GLI3: variants seen among roughly 807,000 people sequenced by gnomAD.
GLI3 encodes GLI family zinc finger 3, also known as transcription activator GLI3.
GLI3 carries 20 observed loss-of-function variants against 100.8 expected under a neutral mutation model. The observed-to-expected ratio is 0.20, with a 90% CI of 0.14 to 0.29. The LOEUF (loss-of-function observed/expected upper bound fraction) is 0.29. Ranked by LOEUF, GLI3 falls within the 10% of genes least tolerant of loss-of-function variation. GLI3 has a pLI of 1.00. For synonymous variants in GLI3, 938 were observed against 860.5 expected (o/e 1.09, Z -1.58); for missense variants, 2,040 against 2,128.5 (o/e 0.96, Z 0.82).
chr7:42,117,268 C>A (rs1785882752), intron 3 of GLI3, among the ~76,000 whole-genome samples: 1 of 152,156 alleles, frequency 6.6e-6, no homozygotes, highest in South Asian at 2.1e-4. Flanking sequence ...AGCAAAAAGG[C>A]CAGGGCTCTG....
At chr7:42,066,729 C>T (rs1462196802) in intron 4 of GLI3, among the ~76,000 whole-genome samples, 2 of 152,218 alleles carry the variant, frequency 1.3e-5, no homozygotes, top group African/African-American at 2.4e-5. Context: ...CTGAAGAAGG[C>T]TGCACCTCTG....
At chr7:42,004,989 G>A (rs2128723143) in intron 10 of GLI3, among the ~76,000 whole-genome samples, 1 of 152,222 alleles carries the variant, frequency 6.6e-6, no homozygotes, top group Middle Eastern at 3.4e-3. Flanking sequence ...TATTATTTCT[G>A]ATGGCAAAAA....
chr7:41,997,520 T>C (rs919150506), intron 10 of GLI3, among the ~76,000 whole-genome samples: 2 of 152,150 alleles, frequency 1.3e-5, no homozygotes, highest in African/African-American at 2.4e-5. Flanking sequence ...GGTCATATGA[T>C]TAGATGAGCA....
intron 3 of GLI3, chr7:42,118,165 T>C (rs1785907191): frequency 2.5e-6 from 1 of 393,312 alleles, no homozygotes; most frequent in South Asian, 1.4e-4. Context: ...CTTAATCATC[T>C]TAATGAAATA....
chr7:41,974,545 G>A (rs190121195), intron 12 of GLI3, among the ~76,000 whole-genome samples: 15 of 152,214 alleles, frequency 9.9e-5, no homozygotes, highest in African/African-American at 3.6e-4. Flanking sequence ...TAATCATAAG[G>A]AATACAAAAT....
chr7:42,262,606 G>T (rs551738975), intron 1 of GLI3, among the ~76,000 whole-genome samples: 1 of 152,064 alleles, frequency 6.6e-6, no homozygotes, highest in South Asian at 2.1e-4. Flanking sequence ...GAATTTCTGG[G>T]GCAGACTCTC....
At chr7:42,035,289 C>T (rs183811441) in intron 7 of GLI3, among the ~76,000 whole-genome samples, 97 of 152,280 alleles carry the variant, frequency 6.4e-4, no homozygotes, top group Middle Eastern at 3.4e-3. Flanking sequence ...CTATGGAGGC[C>T]GAGCTGACTT....
intron 10 of GLI3, among the ~76,000 whole-genome samples, chr7:41,992,906 A>T (rs1190724645): frequency 6.6e-6 from 1 of 152,204 alleles, no homozygotes; most frequent in Non-Finnish European, 1.5e-5. Flanking sequence ...AAACTGGTTC[A>T]TTTGAAATTA....
At position 42,259,780 on chromosome 7, in the gene GLI3, T is replaced by A. The variant is rs955299220; in HGVS notation, c.-43+4214A>T. Among the ~76,000 whole-genome samples the A allele has an allele frequency of 3.3e-5, 5 of 152,198 alleles. No individual in the cohort carries two copies. In the South Asian group the frequency reaches 1.0e-3, roughly 31 times the overall value. On this transcript the variant is annotated intron_variant, in intron 1 of 2. Coordinates refer to the GLI3 transcript ENST00000678978. ...ACCCACCAAAAGAAGACATTTAGGA[T>A]CCAAATCAATAGCATATATAGTGCC...
chr7:42,109,087 C>T (rs1258338530), intron 3 of GLI3, among the ~76,000 whole-genome samples: 1 of 152,182 alleles, frequency 6.6e-6, no homozygotes, highest in Non-Finnish European at 1.5e-5. Flanking sequence ...TGCATTCTGA[C>T]GCCACCTACA....
chr7:42,099,945 G>A (rs1209280010), intron 3 of GLI3, among the ~76,000 whole-genome samples: 4 of 152,268 alleles, frequency 2.6e-5, no homozygotes, highest in African/African-American at 7.2e-5. Flanking sequence ...TCACGGGCAC[G>A]TTAGTGCCAA....
At chr7:42,094,627 G>A (rs976389493) in intron 3 of GLI3, among the ~76,000 whole-genome samples, 33 of 151,954 alleles carry the variant, frequency 2.2e-4, no homozygotes, top group Admixed American at 1.3e-3. Flanking sequence ...CCAGCTACCC[G>A]AGAGGCTGAG....
At chr7:42,071,006 G>A (rs547969762) in intron 4 of GLI3, among the ~76,000 whole-genome samples, 1 of 152,092 alleles carries the variant, frequency 6.6e-6, no homozygotes, top group Non-Finnish European at 1.5e-5. Flanking sequence ...TAGCTTGTTG[G>A]CACGAGGTGA....
rs551251451 is a variant in GLI3 at position 42,010,893 on chromosome 7, A to T, written c.1497+12575T>A. The stretch of plus-strand genomic sequence containing the variant: ...TTGGTTAGGTCATTTTTAAGATTCC[A>T]CAACTAGGAGGGACCACAGCAATAA... On this transcript the variant is annotated intron_variant, in intron 10 of 14. Coordinates refer to ENST00000395925, the MANE Select transcript of GLI3 (RefSeq NM_000168.6). 7.9e-5 allele frequency among the ~76,000 whole-genome samples: 12 copies of T among 152,286 alleles called. No individual in the cohort carries two copies. The East Asian group carries it at 2.3e-3, about 29-fold the overall frequency.
chr7:42,012,103 G>A (rs908260835), intron 10 of GLI3, among the ~76,000 whole-genome samples: 5 of 151,970 alleles, frequency 3.3e-5, no homozygotes, highest in Admixed American at 1.3e-4. Context: ...TATAAATTAC[G>A]GCCAGGGGAA....
intron 3 of GLI3, among the ~76,000 whole-genome samples, chr7:42,128,768 T>G (rs846388): frequency 0.26 from 39,894 of 151,910 alleles, 5,443 homozygotes; most frequent in Admixed American, 0.36. Flanking sequence ...AGAGAGGTGA[T>G]GGTAGGAATG....
Position 42,045,591 on chromosome 7 carries a change from T to A in GLI3, c.680-61A>T, listed in dbSNP as rs1784230483. The stretch of plus-strand genomic sequence containing the variant: ...AAGAAGGTCAACTAGAAGTTTCTCT[T>A]GAGGCATCTCAGAGTCCATTACACA... On this transcript the variant is annotated intron_variant, in intron 5 of 14. Transcript: ENST00000395925. The A allele has an allele frequency of 1.2e-5, 18 of 1,512,812 alleles. No homozygotes were observed. In the South Asian group the frequency reaches 1.9e-4, roughly 16 times the overall value. 93.7% of individuals were successfully genotyped at this position (1,512,812 alleles called of 1,614,324 possible).
Position 41,966,858 on chromosome 7 carries a change from AAGCTT to A in GLI3, c.2432-222_2432-218del, listed in dbSNP as rs761966018. Among the ~76,000 whole-genome samples, 35 of 151,972 alleles carry A rather than the reference AAGCTT, an allele frequency of 2.3e-4. No individual in the cohort carries two copies. Among genetic ancestry groups the A allele is most frequent in the Non-Finnish European group, 2.2e-4 (15 of 67,998 alleles). ...AAGCAAGCGTGGCGGGGTGTCCATG[AAGCTT>A]CCTTTACAAAAACAGGGGCGGCTGG... On this transcript the variant is annotated intron_variant, in intron 14 of 14. Transcript: ENST00000395925. This position sits in a 1 kb window ranked among gnomAD's most constrained non-coding sequence, Gnocchi z 5.8.
intron 3 of GLI3, among the ~76,000 whole-genome samples, chr7:42,086,339 G>A (rs530824149): frequency 1.4e-4 from 21 of 152,124 alleles, no homozygotes; most frequent in African/African-American, 4.6e-4. Context: ...TCAGAACCAG[G>A]GCTCTTAGAC....
Sources: gnomAD v4.1 joint callset for allele counts (sites outside exome capture counted in the v4.1 genomes callset) on GRCh38, gnomAD v4.1.1 for gene constraint, Gnocchi (gnomAD v3.1) non-coding constraint, MANE v1.5 for transcripts, NCBI Gene and HGNC (gene_info 2026-07-23, HGNC 2026-07-21) for gene names.